Variants in ISG20 observed in about 807,000 individuals in gnomAD.
The protein encoded by ISG20 is interferon stimulated exonuclease gene 20.
In ISG20, 8 loss-of-function variants were observed where a neutral mutation model predicts 11.1. The ratio of observed to expected loss-of-function variants is 0.72; its 90% CI spans 0.42 to 1.30. The LOEUF is 1.30. Among genes scored for constraint, ISG20 ranks in the 50% most tolerant of loss-of-function variants. The pLI is 0.01. For missense variants in ISG20, 243 were observed against 250.2 expected, an observed-to-expected ratio of 0.97 and a Z score of 0.19; for synonymous variants, 110 against 101.7, an observed-to-expected ratio of 1.08 and a Z score of -0.49.
chr15:88,639,151 G>C lies in ISG20; in HGVS notation c.-25+75G>C. 1.7e-6 allele frequency: 1 copy of C among 587,182 alleles called. No individual in the cohort carries two copies. 36.4% of individuals were successfully genotyped at this position (587,182 alleles called of 1,614,324 possible). A position where few individuals can be genotyped will look rare whatever the true frequency, so the allele number is the denominator to read the frequency against. On this transcript the variant is annotated intron_variant, in intron 1 of 3. Coordinates refer to ENST00000306072, the MANE Select transcript of ISG20 (RefSeq NM_002201.6). The surrounding 1 kb of genome is among the most constrained non-coding windows in gnomAD (Gnocchi z 4.2). ...TCCCGGTCCCCAGGCTGCGGGGCAG[G>C]CCAGAGGCCCTGGGACACACGGGCA...
At chr15:88,637,677 G>A (rs1411900334), upstream of ISG20, among the ~76,000 whole-genome samples, 5 of 152,148 alleles carry the variant, frequency 3.3e-5, no homozygotes, top group South Asian at 4.2e-4. Flanking sequence ...GTGAGCAGAG[G>A]TGGAGGTATG....
At chr15:88,651,279 T>A (rs2058269257) in intron 2 of ISG20, 1 of 985,350 alleles carries the variant, frequency 1.0e-6, no homozygotes. Context: ...AATGCAGTGC[T>A]CCCTCCTCAC....
At chr15:88,652,337 C>T (rs569305628) in intron 3 of ISG20, 27 bp downstream of exon 3, 2 of 1,492,658 alleles carry the variant, frequency 1.3e-6, no homozygotes, top group Admixed American at 1.9e-5. Context: ...CCTTCTCCTC[C>T]TCCCCCCTCC....
intron 2 of ISG20, among the ~76,000 whole-genome samples, chr15:88,646,723 C>T (rs2058180693): frequency 6.6e-6 from 1 of 152,210 alleles, no homozygotes; most frequent in Non-Finnish European, 1.5e-5. Context: ...CCAGGTGACA[C>T]CTCTCAGGTG....
intron 2 of ISG20, chr15:88,646,994 C>G (rs945784620): frequency 6.6e-6 from 1 of 152,558 alleles, no homozygotes; most frequent in African/African-American, 2.4e-5. Context: ...TGGTCTTGAA[C>G]TCCTGGCCTC....
In ISG20 at chr15:88,655,400, T is replaced by C. The variant is rs560239041; in HGVS notation, c.430-15T>C. The C allele has an allele frequency of 1.2e-6, 2 of 1,611,316 alleles. No individual in the cohort carries two copies. Among genetic ancestry groups the C allele is most frequent in the South Asian group, 1.1e-5 (1 of 91,028 alleles). ...AGCCTCATCCCAAGTCCCCACTCTA[T>C]ACTTGTGTCTGCAGAACAGCCTGCT... is the stretch of plus-strand genomic sequence containing the variant. On this transcript the variant is annotated splice_polypyrimidine_tract_variant and intron_variant, in intron 3 of 3. Coordinates refer to ENST00000306072, the MANE Select transcript of ISG20 (RefSeq NM_002201.6).
At chr15:88,640,971 A>G (rs1256688651) in intron 2 of ISG20, among the ~76,000 whole-genome samples, 2 of 150,642 alleles carry the variant, frequency 1.3e-5, no homozygotes, top group African/African-American at 4.9e-5. Context: ...AACTGTTTTG[A>G]TTGTTTTTTT....
intron 2 of ISG20, among the ~76,000 whole-genome samples, chr15:88,641,592 A>G (rs1186790640): frequency 1.3e-5 from 2 of 151,986 alleles, no homozygotes; most frequent in African/African-American, 4.8e-5. Context: ...TCATGTTCAC[A>G]TGGCATTCTC....
intron 2 of ISG20, among the ~76,000 whole-genome samples, chr15:88,644,261 T>A (rs2058130542): frequency 6.6e-6 from 1 of 151,866 alleles, no homozygotes; most frequent in Non-Finnish European, 1.5e-5. Context: ...AGGCTGGGCA[T>A]GGTGGCTCAC....
chr15:88,637,988 C>A (rs1411318491), upstream of ISG20, among the ~76,000 whole-genome samples: 1 of 152,172 alleles, frequency 6.6e-6, no homozygotes, highest in Non-Finnish European at 1.5e-5. Context: ...AGGAGCAGGG[C>A]TTTCTCATGA....
rs757545641 is a variant in ISG20, at chr15:88,652,327, C to G, written c.429+17C>G. On this transcript the variant is annotated intron_variant, in intron 3 of 3. Coordinates refer to ENST00000306072, the MANE Select transcript of ISG20 (RefSeq NM_002201.6). ...AGCATCCAGGTGAGAACCTCCTCGT[C>G]CTTCTCCTCCTCCCCCCTCCTCCCC... 22 of 1,585,430 alleles carry G rather than the reference C, an allele frequency of 1.4e-5. No individual in the cohort carries two copies. In the South Asian group the frequency reaches 2.3e-4, roughly 17 times the overall value.
intron 2 of ISG20, among the ~76,000 whole-genome samples, chr15:88,644,156 T>C (rs2058128658): frequency 1.3e-5 from 2 of 152,164 alleles, no homozygotes; most frequent in African/African-American, 4.8e-5. Flanking sequence ...TCTTGAGCAA[T>C]GCATGGGAGG....
At chr15:88,653,713 G>T (rs568507578) in intron 3 of ISG20, among the ~76,000 whole-genome samples, 2 of 69,890 alleles carry the variant, frequency 2.9e-5, no homozygotes, top group East Asian at 5.9e-4. Context: ...CAGCCCTCCC[G>T]CCCGCCCCCG....
At chr15:88,649,671 G>A (rs2058239715) in intron 2 of ISG20, 2 of 155,478 alleles carry the variant, frequency 1.3e-5, no homozygotes, top group South Asian at 3.9e-4. Context: ...TTTCCCTTGA[G>A]CTGCTACTCT....
Position 88,655,637 on chromosome 15 carries a change from T to A in ISG20, c.*106T>A. 1 of 727,178 alleles carries A rather than the reference T, an allele frequency of 1.4e-6. No individual in the cohort carries two copies. Among genetic ancestry groups the A allele is most frequent in the Non-Finnish European group, 2.3e-6 (1 of 439,822 alleles). 45.0% of individuals were successfully genotyped at this position (727,178 alleles called of 1,614,324 possible). ...TTTTTAATAGTAAAGTGGCTCTATA[T>A]TTTCTCTACGCCATCACTGGGTCCT... is the stretch of plus-strand genomic sequence containing the variant. On this transcript the variant is annotated 3_prime_UTR_variant, in exon 4 of 4. Coordinates refer to ENST00000306072, the MANE Select transcript of ISG20 (RefSeq NM_002201.6).
chr15:88,648,706 C>T (rs2058220512), intron 2 of ISG20: 1 of 152,172 alleles, frequency 6.6e-6, no homozygotes, highest in Non-Finnish European at 1.5e-5. Context: ...TTGGGCAAGC[C>T]CCTTAATCTC....
Position 88,650,604 on chromosome 15 carries a change from G to T in ISG20, c.229-1506G>T, listed in dbSNP as rs549795181. ...AGTTTGGGCAGGTGCTCTGCAGCAGGACAGGCCGTCAGTTAAGGCACCTTG... is the reference window on the plus strand; with the variant it reads ...AGTTTGGGCAGGTGCTCTGCAGCAGTACAGGCCGTCAGTTAAGGCACCTTG... On this transcript the variant is annotated intron_variant, in intron 2 of 3. Coordinates refer to ENST00000306072, the MANE Select transcript of ISG20 (RefSeq NM_002201.6). This position sits in a 1 kb window ranked among gnomAD's most constrained non-coding sequence, Gnocchi z 4.0. 3.7e-6 allele frequency: 2 copies of T among 543,108 alleles called. No homozygotes were observed. The highest frequency in any genetic ancestry group is 5.8e-6 in the Non-Finnish European group (2 of 344,646). 33.6% of individuals were successfully genotyped at this position (543,108 alleles called of 1,614,324 possible). A position where few individuals can be genotyped will look rare whatever the true frequency, so the allele number is the denominator to read the frequency against.
intron 3 of ISG20, 33 bp downstream of exon 3, chr15:88,652,343 C>A (rs201771994): frequency 4.1e-6 from 5 of 1,211,072 alleles, no homozygotes; most frequent in South Asian, 2.9e-5. Context: ...CCTCCTCCCC[C>A]CTCCTCCCCC....
upstream of ISG20, chr15:88,638,676 C>T (rs1362687263): frequency 6.5e-6 from 1 of 153,604 alleles, no homozygotes; most frequent in East Asian, 1.9e-4. Context: ...GGGACATTCC[C>T]TGAGCTCCAG....
Sources: gnomAD v4.1 joint callset for allele counts (sites outside exome capture counted in the v4.1 genomes callset) on GRCh38, gnomAD v4.1.1 for gene constraint, Gnocchi (gnomAD v3.1) non-coding constraint, MANE v1.5 for transcripts, NCBI Gene and HGNC (gene_info 2026-07-23, HGNC 2026-07-21) for gene names.